The following NRG3 variants were observed in gnomAD, a reference collection of about 807,000 sequenced individuals.
NRG3 encodes the protein neuregulin 3, also known as pro-neuregulin-3, membrane-bound isoform.
Under a neutral mutation model 66.9 loss-of-function variants are expected in NRG3, and 31 were observed. The observed-to-expected ratio is 0.46, with a 90% CI of 0.35 to 0.63. The LOEUF (loss-of-function observed/expected upper bound fraction) is 0.63. Among genes scored for constraint, NRG3 ranks in the 20% least tolerant of loss-of-function variants. NRG3 has a pLI of 0.00. For missense variants in NRG3, 910 were observed against 878.9 expected (o/e 1.04, Z -0.45); for synonymous variants, 393 against 359.4 (o/e 1.09, Z -1.06).
intron 3 of NRG3, among the ~76,000 whole-genome samples, chr10:82,819,018 A>T (rs1406196545): frequency 6.6e-6 from 1 of 152,262 alleles, no homozygotes; most frequent in Non-Finnish European, 1.5e-5. Context: ...TGATTTTTTT[A>T]AAATCCTAAG....
chr10:82,251,608 C>T (rs940906849), intron 1 of NRG3, among the ~76,000 whole-genome samples: 3 of 152,240 alleles, frequency 2.0e-5, no homozygotes, highest in Non-Finnish European at 2.9e-5. Flanking sequence ...TGGTGCCGCT[C>T]CTGACCACCC....
At chr10:82,502,433 G>A (rs1391197018) in intron 2 of NRG3, among the ~76,000 whole-genome samples, 4 of 152,070 alleles carry the variant, frequency 2.6e-5, no homozygotes, top group African/African-American at 9.7e-5. Flanking sequence ...TTATTGCAGG[G>A]GCAAAGTACT....
chr10:82,064,792 C>T (rs1380058611), intron 1 of NRG3, among the ~76,000 whole-genome samples: 1 of 152,146 alleles, frequency 6.6e-6, no homozygotes, highest in African/African-American at 2.4e-5. Flanking sequence ...TTGTCCTCTC[C>T]TGAAAGTTTG....
intron 2 of NRG3, among the ~76,000 whole-genome samples, chr10:82,614,448 A>T (rs1325586180): frequency 6.6e-6 from 1 of 152,240 alleles, no homozygotes; most frequent in African/African-American, 2.4e-5. Flanking sequence ...AAATGTTAAT[A>T]CATTGATTTT....
intron 1 of NRG3, among the ~76,000 whole-genome samples, chr10:82,013,318 A>T (rs115588026): frequency 6.6e-6 from 1 of 152,136 alleles, no homozygotes; most frequent in Non-Finnish European, 1.5e-5. Context: ...CCATGATTCA[A>T]TTATCTCCAC....
intron 5 of NRG3, among the ~76,000 whole-genome samples, chr10:82,957,897 T>C (rs1423298170): frequency 2.1e-5 from 3 of 145,926 alleles, no homozygotes; most frequent in African/African-American, 7.5e-5. Context: ...GGTGTGCGTG[T>C]GTGTGTGTGT....
chr10:82,350,414 A>G (rs973989240), intron 1 of NRG3, among the ~76,000 whole-genome samples: 1 of 152,192 alleles, frequency 6.6e-6, no homozygotes. Context: ...AGATCCCATA[A>G]TCTAGTTTGA....
chr10:82,142,437 C>T (rs181343840), intron 1 of NRG3, among the ~76,000 whole-genome samples: 29 of 152,112 alleles, frequency 1.9e-4, no homozygotes, highest in Admixed American at 1.6e-3. Context: ...GTTGTGAAAC[C>T]CAGAGAGGGG....
chr10:82,916,249 C>G lies in NRG3; in HGVS notation c.1055-35220C>G, dbSNP rs570064712. Reference sequence around the variant, plus strand: ...GGAGGATTGCTTGAGCCCAGAAGTTCAAGACCAGCCTGGACAACACAGCAA... The same window carrying G: ...GGAGGATTGCTTGAGCCCAGAAGTTGAAGACCAGCCTGGACAACACAGCAA... On this transcript the variant is annotated intron_variant, in intron 4 of 8. Transcript: ENST00000372141. Among the ~76,000 whole-genome samples the G allele has an allele frequency of 3.3e-5, 5 of 152,208 alleles. No homozygotes were observed. In the South Asian group the frequency reaches 8.3e-4, roughly 25 times the overall value.
chr10:82,538,775 C>G (rs999701022), intron 2 of NRG3, among the ~76,000 whole-genome samples: 2 of 152,034 alleles, frequency 1.3e-5, no homozygotes, highest in Non-Finnish European at 2.9e-5. Context: ...TAAACTATTA[C>G]CTTCGAGGCC....
chr10:82,832,378 C>T (rs761970598), intron 3 of NRG3, among the ~76,000 whole-genome samples: 8 of 152,142 alleles, frequency 5.3e-5, no homozygotes, highest in Non-Finnish European at 1.2e-4. Context: ...GATCAGTCCA[C>T]GTACTCTTTT....
intron 2 of NRG3, among the ~76,000 whole-genome samples, chr10:82,702,203 A>G (rs776704737): frequency 3.9e-5 from 6 of 152,208 alleles, no homozygotes; most frequent in African/African-American, 7.2e-5. Context: ...GTGGATTCCA[A>G]TAGTTTCTCT....
intron 2 of NRG3, among the ~76,000 whole-genome samples, chr10:82,699,415 T>A (rs887085814): frequency 1.3e-5 from 2 of 152,074 alleles, no homozygotes; most frequent in African/African-American, 4.8e-5. Context: ...TTGCGCAAAT[T>A]ATTTTTAACG....
intron 3 of NRG3, among the ~76,000 whole-genome samples, chr10:82,756,040 T>A (rs757239566): frequency 6.6e-6 from 1 of 152,106 alleles, no homozygotes; most frequent in Non-Finnish European, 1.5e-5. Flanking sequence ...GACACCTTTT[T>A]TTTTTCTAAA....
At chr10:82,544,643 G>T (rs1306995310) in intron 2 of NRG3, among the ~76,000 whole-genome samples, 2 of 152,092 alleles carry the variant, frequency 1.3e-5, no homozygotes, top group Admixed American at 6.5e-5. Context: ...ATGGAGGAGG[G>T]CTAGTTTGCT....
intron 2 of NRG3, among the ~76,000 whole-genome samples, chr10:82,520,845 C>T (rs755553221): frequency 2.6e-5 from 4 of 152,062 alleles, no homozygotes; most frequent in Non-Finnish European, 5.9e-5. Flanking sequence ...CACTGGTGTT[C>T]GGGTATAAAC....
intron 2 of NRG3, among the ~76,000 whole-genome samples, chr10:82,467,861 T>G (rs1840837643): frequency 1.3e-5 from 2 of 152,178 alleles, no homozygotes; most frequent in Admixed American, 1.3e-4. Flanking sequence ...AACTTGATTT[T>G]AAGGAAACGA....
chr10:82,103,678 A>G (rs1377408245), intron 1 of NRG3, among the ~76,000 whole-genome samples: 1 of 152,154 alleles, frequency 6.6e-6, no homozygotes, highest in Non-Finnish European at 1.5e-5. Context: ...GAATTAAGCA[A>G]TTCTTGTCTC....
rs146339386 is a variant in NRG3, at chr10:82,297,715, A to T, written c.824-61024A>T. 4.7e-3 allele frequency among the ~76,000 whole-genome samples: 717 copies of T among 152,142 alleles called. 6 individuals are homozygous for T. The highest frequency in any genetic ancestry group is 0.017 in the African/African-American group (687 of 41,534). On this transcript the variant is annotated intron_variant, in intron 1 of 8. Transcript: ENST00000372141. Reference sequence around the variant, plus strand: ...AGGTTATTATAACATATTATAAATAATTGTATTACATTTTATATATTAAGT... The same window carrying T: ...AGGTTATTATAACATATTATAAATATTTGTATTACATTTTATATATTAAGT...
Sources: gnomAD v4.1 joint callset for allele counts (sites outside exome capture counted in the v4.1 genomes callset) on GRCh38, gnomAD v4.1.1 for gene constraint, MANE v1.5 for transcripts, NCBI Gene and HGNC (gene_info 2026-07-23, HGNC 2026-07-21) for gene names.